Variants in SCAI observed in about 807,000 individuals in gnomAD.
SCAI encodes suppressor of cancer cell invasion.
In SCAI, 24 loss-of-function variants were observed where a neutral mutation model predicts 92.2. That is an observed-to-expected ratio of 0.26 (90% CI 0.19 to 0.37). The LOEUF is 0.37. SCAI is among the 10% of genes least tolerant of loss of function. SCAI has a pLI of 1.00. For missense variants in SCAI, 450 were observed against 736.2 expected (o/e 0.61, Z 4.50); for synonymous variants, 261 against 258.6 (o/e 1.01, Z -0.09).
chr9:124,968,450 T>C, intron 17 of SCAI: 1 of 1,008,346 alleles, frequency 9.9e-7, no homozygotes, highest in Non-Finnish European at 1.6e-6. Flanking sequence ...GTCCACTGGA[T>C]GGAGAAGATA....
intron 2 of SCAI, among the ~76,000 whole-genome samples, chr9:125,057,128 A>G (rs1446137119): frequency 6.6e-6 from 1 of 152,206 alleles, no homozygotes; most frequent in African/African-American, 2.4e-5. Flanking sequence ...GGATGTAAAA[A>G]TAGGCAGACA....
intron 2 of SCAI, among the ~76,000 whole-genome samples, chr9:125,121,292 G>C (rs1037761076): frequency 2.0e-5 from 3 of 148,250 alleles, no homozygotes; most frequent in Non-Finnish European, 4.5e-5. Flanking sequence ...GATGACATAC[G>C]AGATGCTGGA....
intron 2 of SCAI, among the ~76,000 whole-genome samples, chr9:125,057,251 T>C (rs1459541934): frequency 1.3e-5 from 2 of 152,016 alleles, no homozygotes; most frequent in African/African-American, 4.8e-5. Flanking sequence ...AAATATCAGA[T>C]TTGGGGTACT....
intron 2 of SCAI, among the ~76,000 whole-genome samples, chr9:125,109,167 G>C (rs955290165): frequency 7.2e-5 from 11 of 152,108 alleles, no homozygotes; most frequent in Non-Finnish European, 1.3e-4. Flanking sequence ...CAGCATGCTC[G>C]TTAAGAGTCA....
chr9:125,096,900 A>T (rs184999291), intron 2 of SCAI, among the ~76,000 whole-genome samples: 1 of 152,228 alleles, frequency 6.6e-6, no homozygotes, highest in Non-Finnish European at 1.5e-5. Context: ...ACCACATCCT[A>T]TGACAGTAAA....
chr9:125,086,775 G>A (rs12000933), intron 2 of SCAI, among the ~76,000 whole-genome samples: 4,941 of 152,248 alleles, frequency 0.032, 238 homozygotes, highest in African/African-American at 0.11. Context: ...TCCTGGTGCT[G>A]CCACTTACTA....
At chr9:125,045,115 A>C (rs1833407746) in intron 3 of SCAI, among the ~76,000 whole-genome samples, 1 of 152,214 alleles carries the variant, frequency 6.6e-6, no homozygotes, top group Non-Finnish European at 1.5e-5. Flanking sequence ...GAACAAGCCC[A>C]GTGAGCCCAA....
chr9:125,041,799 G>C (rs535699494), intron 3 of SCAI, among the ~76,000 whole-genome samples: 3 of 152,170 alleles, frequency 2.0e-5, no homozygotes, highest in African/African-American at 7.2e-5. Flanking sequence ...TACTATTCCA[G>C]TCTAAATCAG....
rs1024410176 is a variant in SCAI at position 124,986,074 on chromosome 9, G to A, written c.1326+8860C>T. Among the ~76,000 whole-genome samples the A allele has an allele frequency of 5.2e-4, 79 of 152,230 alleles. 1 individual carries two copies. The highest frequency in any genetic ancestry group is 1.8e-3 in the African/African-American group (76 of 41,552). On this transcript the variant is annotated intron_variant, in intron 14 of 17. Coordinates refer to ENST00000336505, the MANE Select transcript of SCAI (RefSeq NM_001144877.3). ...TGGGAGGCCAAGGCAGGCAGATCACGACGTCAGGAGATAGAGACCATCCTG... is the reference window on the plus strand; with the variant it reads ...TGGGAGGCCAAGGCAGGCAGATCACAACGTCAGGAGATAGAGACCATCCTG...
At chr9:124,966,332 G>T (rs1233382287) in intron 17 of SCAI, among the ~76,000 whole-genome samples, 3 of 151,304 alleles carry the variant, frequency 2.0e-5, no homozygotes, top group Admixed American at 6.6e-5. Flanking sequence ...GCGGTGTTTG[G>T]TTTTTTGTCC....
At chr9:125,047,437 G>C (rs985755293) in intron 3 of SCAI, among the ~76,000 whole-genome samples, 1 of 152,164 alleles carries the variant, frequency 6.6e-6, no homozygotes, top group Admixed American at 6.5e-5. Context: ...ATGGCACCTT[G>C]TTATGGCAGC....
At chr9:124,987,141 G>A (rs577503962) in intron 14 of SCAI, among the ~76,000 whole-genome samples, 11 of 152,056 alleles carry the variant, frequency 7.2e-5, no homozygotes, top group Admixed American at 3.9e-4. Flanking sequence ...CTCCTGCCTC[G>A]GCCTCCTGAA....
At chr9:124,967,567 C>CTT (rs559591565) in intron 17 of SCAI, among the ~76,000 whole-genome samples, 1 of 151,886 alleles carries the variant, frequency 6.6e-6, no homozygotes, top group Non-Finnish European at 1.5e-5. Context: ...ATGAAAATGG[C>CTT]TTTTTTTTCC....
chr9:124,947,232 C>T lies in SCAI; in HGVS notation c.*5575G>A, dbSNP rs1831159408. On this transcript the variant is annotated 3_prime_UTR_variant, in exon 18 of 18. Coordinates refer to ENST00000336505, the MANE Select transcript of SCAI (RefSeq NM_001144877.3). Reference sequence around the variant, plus strand: ...ATTAAGCCCCAATATACATAATTTACTACTCAGTAATAATACTTAAATATG... The same window carrying T: ...ATTAAGCCCCAATATACATAATTTATTACTCAGTAATAATACTTAAATATG... 1 of 152,096 alleles carries T rather than the reference C, an allele frequency of 6.6e-6. No homozygotes were observed. The highest frequency in any genetic ancestry group is 1.9e-4 in the East Asian group (1 of 5,196). 9.4% of individuals were successfully genotyped at this position (152,096 alleles called of 1,614,324 possible).
At chr9:124,987,164 C>T (rs971105456) in intron 14 of SCAI, among the ~76,000 whole-genome samples, 4 of 152,144 alleles carry the variant, frequency 2.6e-5, no homozygotes, top group African/African-American at 9.7e-5. Flanking sequence ...GCTGGGATTA[C>T]AGGCATGTGC....
intron 5 of SCAI, among the ~76,000 whole-genome samples, chr9:125,027,798 G>A (rs1832992819): frequency 6.6e-6 from 1 of 152,168 alleles, no homozygotes; most frequent in South Asian, 2.1e-4. Context: ...ACAGGCGTGA[G>A]CCACCACGCC....
intron 14 of SCAI, 102 bp from the exon 15 acceptor site, chr9:124,976,288 A>G (rs1831752855): frequency 5.3e-6 from 4 of 759,800 alleles, no homozygotes; most frequent in South Asian, 1.5e-5. Flanking sequence ...TTGGGCCCTT[A>G]AACTCATAAA....
chr9:125,066,785 G>A (rs1410221204), intron 2 of SCAI, among the ~76,000 whole-genome samples: 3 of 151,988 alleles, frequency 2.0e-5, no homozygotes, highest in African/African-American at 4.8e-5. Context: ...AGTTGTGCTT[G>A]GAACCATTTT....
chr9:124,962,406 C>A (rs1017346194), intron 17 of SCAI, among the ~76,000 whole-genome samples: 16 of 152,198 alleles, frequency 1.1e-4, no homozygotes, highest in South Asian at 4.2e-4. Flanking sequence ...GGTGACCAAC[C>A]CGCTGTGGCC....
Sources: allele counts gnomAD v4.1 joint callset (sites outside exome capture counted in the v4.1 genomes callset), GRCh38; gene constraint gnomAD v4.1.1; transcripts MANE v1.5; gene names NCBI Gene and HGNC (gene_info 2026-07-23, HGNC 2026-07-21).